Variants in ADRA1A observed in about 807,000 individuals in gnomAD.
ADRA1A encodes the protein adrenoceptor alpha 1A.
In ADRA1A, 31 loss-of-function variants were observed where a neutral mutation model predicts 29.6. The observed-to-expected ratio is 1.05, with a 90% CI of 0.79 to 1.41. ADRA1A has a LOEUF of 1.41. ADRA1A is among the 40% of genes most tolerant of loss of function. ADRA1A has a pLI of 0.00. For missense variants in ADRA1A, 619 were observed against 601.1 expected (o/e 1.03, Z -0.31); for synonymous variants, 311 against 254.3 (o/e 1.22, Z -2.12).
At position 26,825,811 on chromosome 8, in the gene ADRA1A, G is replaced by GTTGATTGCC. The variant is rs1327130305; in HGVS notation, c.883+38267_883+38275dup. 1.3e-5 allele frequency among the ~76,000 whole-genome samples: 2 copies of GTTGATTGCC among 152,226 alleles called. No individual in the cohort carries two copies. The highest frequency in any genetic ancestry group is 4.8e-5 in the African/African-American group (2 of 41,452). Reference sequence around the variant, plus strand: ...ATTCTGGTTCGATACTAGGCACAGTGTTGATTGCCTGTTTGATACCTGCTT... The same window carrying GTTGATTGCC: ...ATTCTGGTTCGATACTAGGCACAGTGTTGATTGCCTTGATTGCCTGTTTGATACCTGCTT... On this transcript the variant is annotated intron_variant, in intron 2 of 2. Transcript: ENST00000380573. This position sits in a 1 kb window ranked among gnomAD's most constrained non-coding sequence, Gnocchi z 5.7.
chr8:26,837,334 C>G (rs1811453218), intron 2 of ADRA1A, among the ~76,000 whole-genome samples: 1 of 152,000 alleles, frequency 6.6e-6, no homozygotes, highest in Non-Finnish European at 1.5e-5. Flanking sequence ...ACATTAAAGT[C>G]AAATTAAGAG....
chr8:26,843,066 C>T (rs1811946428), intron 2 of ADRA1A, among the ~76,000 whole-genome samples: 2 of 152,174 alleles, frequency 1.3e-5, no homozygotes, highest in Admixed American at 1.3e-4. Flanking sequence ...CTAATTAAGA[C>T]CTGCCTGGCA....
At chr8:26,782,171 A>G (rs1200835836) in intron 2 of ADRA1A, among the ~76,000 whole-genome samples, 12 of 152,186 alleles carry the variant, frequency 7.9e-5, no homozygotes, top group Admixed American at 7.9e-4. Flanking sequence ...GCCTGGATTA[A>G]GCTAGGGATG....
chr8:26,863,806 A>T (rs991028552), intron 2 of ADRA1A, among the ~76,000 whole-genome samples: 20 of 152,348 alleles, frequency 1.3e-4, no homozygotes, highest in African/African-American at 4.6e-4. Context: ...ATAGGCATTA[A>T]GAAAAGTTGA....
At position 26,860,744 on chromosome 8, in the gene ADRA1A, G is replaced by A. The variant is rs1813390681; in HGVS notation, c.883+3343C>T. Reference sequence around the variant, plus strand: ...ACTTGCCTCAGGGCTCACACACTTTGCTCTCCTTGTCACTTCCCAATGCTC... The same window carrying A: ...ACTTGCCTCAGGGCTCACACACTTTACTCTCCTTGTCACTTCCCAATGCTC... On this transcript the variant is annotated intron_variant, in intron 2 of 2. Coordinates refer to ENST00000380573, the MANE Select transcript of ADRA1A (RefSeq NM_000680.4). The surrounding 1 kb of genome is among the most constrained non-coding windows in gnomAD (Gnocchi z 4.7). 6.6e-6 allele frequency among the ~76,000 whole-genome samples: 1 copy of A among 152,002 alleles called. No homozygotes were observed. The highest frequency in any genetic ancestry group is 1.5e-5 in the Non-Finnish European group (1 of 67,992).
intron 2 of ADRA1A, among the ~76,000 whole-genome samples, chr8:26,783,495 T>TA (rs1807145614): frequency 2.0e-5 from 3 of 152,226 alleles, no homozygotes; most frequent in Admixed American, 1.3e-4. Flanking sequence ...GTGTGTCCAC[T>TA]AAAAAACTCT....
chr8:26,824,276 G>T (rs1810385421), intron 2 of ADRA1A, among the ~76,000 whole-genome samples: 1 of 151,992 alleles, frequency 6.6e-6, no homozygotes, highest in Non-Finnish European at 1.5e-5. Flanking sequence ...CTCATCCTGG[G>T]TAACAGGGGT....
intron 2 of ADRA1A, among the ~76,000 whole-genome samples, chr8:26,822,981 T>A (rs898919212): frequency 1.3e-5 from 2 of 152,040 alleles, no homozygotes; most frequent in African/African-American, 4.8e-5. Context: ...ACCCTTTGAG[T>A]CAGTCACCTC....
At chr8:26,820,940 A>C (rs1293157955) in intron 2 of ADRA1A, among the ~76,000 whole-genome samples, 1 of 152,036 alleles carries the variant, frequency 6.6e-6, no homozygotes, top group Non-Finnish European at 1.5e-5. Context: ...CCCAGGCTGG[A>C]GAGCAGTGGT....
chr8:26,785,956 A>T (rs1469331249), intron 2 of ADRA1A, among the ~76,000 whole-genome samples: 2 of 152,136 alleles, frequency 1.3e-5, no homozygotes, highest in African/African-American at 2.4e-5. Flanking sequence ...CTACTCAGCC[A>T]CAACACCTGT....
intron 2 of ADRA1A, among the ~76,000 whole-genome samples, chr8:26,803,175 AGT>A (rs1808718387): frequency 6.7e-6 from 1 of 149,640 alleles, no homozygotes; most frequent in Non-Finnish European, 1.5e-5. Context: ...AGCATAACAG[AGT>A]GACTACAGTC....
rs778533297 is a variant in ADRA1A at position 26,756,698 on chromosome 8, TG to T, written c.*60del. On this transcript the variant is annotated 3_prime_UTR_variant, in exon 3 of 3. Transcript: ENST00000380582. ...AGACAGTGGGTCGCAGGACCAGTGG[TG>T]GGTTTCATGCTCCCCTTCCTTGGGC... 9.3e-6 allele frequency: 15 copies of T among 1,613,596 alleles called. No homozygotes were observed. The South Asian group carries it at 1.5e-4, about 17-fold the overall frequency.
chr8:26,795,501 G>C (rs1449853284), intron 2 of ADRA1A, among the ~76,000 whole-genome samples: 1 of 151,952 alleles, frequency 6.6e-6, no homozygotes, highest in African/African-American at 2.4e-5. Flanking sequence ...TAATCAAATG[G>C]TTGATGAGCA....
Position 26,864,050 on chromosome 8 carries a change from C to A in ADRA1A, c.883+37G>T, listed in dbSNP as rs1273391133. On this transcript the variant is annotated intron_variant, in intron 2 of 2. Coordinates refer to ENST00000380573, the MANE Select transcript of ADRA1A (RefSeq NM_000680.4). This position sits in a 1 kb window ranked among gnomAD's most constrained non-coding sequence, Gnocchi z 8.1. ...TAACAGAAGCCGAGGAGGGTGAAGA[C>A]CCCCAGATGCTAAAGTGAGGGGTGT... is the stretch of plus-strand genomic sequence containing the variant. The A allele has an allele frequency of 3.8e-6, 6 of 1,576,908 alleles. No individual in the cohort carries two copies. Among genetic ancestry groups the A allele is most frequent in the African/African-American group, 1.4e-5 (1 of 73,726 alleles).
chr8:26,766,032 G>T, downstream of ADRA1A: 1 of 1,612,972 alleles, frequency 6.2e-7, no homozygotes, highest in Non-Finnish European at 8.5e-7. Context: ...GACTGCCTAG[G>T]TCTCCAGCTA....
chr8:26,826,950 T>G (rs903505914), intron 2 of ADRA1A, among the ~76,000 whole-genome samples: 2 of 152,170 alleles, frequency 1.3e-5, no homozygotes, highest in Admixed American at 1.3e-4. Flanking sequence ...ATGAAAAAAC[T>G]TACAGTTACA....
chr8:26,850,025 C>CAAAAACAAAAAACA (rs1554511720), intron 2 of ADRA1A, among the ~76,000 whole-genome samples: 24 of 121,590 alleles, frequency 2.0e-4, no homozygotes, highest in African/African-American at 7.7e-4. Context: ...GAGAGAAATG[C>CAAAAACAAAAAACA]AAAAACAAAA....
chr8:26,762,938 G>A (rs990822714), downstream of ADRA1A, among the ~76,000 whole-genome samples: 1 of 152,166 alleles, frequency 6.6e-6, no homozygotes, highest in Non-Finnish European at 1.5e-5. This position sits in a 1 kb window ranked among gnomAD's most constrained non-coding sequence, Gnocchi z 4.0. Flanking sequence ...TCCAACAAGT[G>A]TGTCAGCTCA....
chr8:26,788,946 A>G (rs1399856257), intron 2 of ADRA1A, among the ~76,000 whole-genome samples: 1 of 152,132 alleles, frequency 6.6e-6, no homozygotes, highest in African/African-American at 2.4e-5. Context: ...ATATTTTTAA[A>G]ATTTTACTTT....
Sources: allele counts gnomAD v4.1 joint callset (sites outside exome capture counted in the v4.1 genomes callset), GRCh38; gene constraint gnomAD v4.1.1; non-coding constraint Gnocchi (gnomAD v3.1); transcripts MANE v1.5; gene names NCBI Gene and HGNC (gene_info 2026-07-23, HGNC 2026-07-21).